Variants in OFD1 observed in about 807,000 individuals in gnomAD.
OFD1 encodes the protein centriole and centriolar satellite protein OFD1.
In OFD1, 12 loss-of-function variants were observed where a neutral mutation model predicts 81.4. That is an observed-to-expected ratio of 0.15 (90% CI 0.09 to 0.24). The LOEUF is 0.24. Ranked by LOEUF, OFD1 falls within the 10% of genes least tolerant of loss-of-function variation. The pLI, the probability that OFD1 is intolerant of heterozygous loss-of-function variation, is 1.00. For missense variants in OFD1, 685 were observed against 733.9 expected, an observed-to-expected ratio of 0.93 and a Z score of 0.77; for synonymous variants, 256 against 263.7, an observed-to-expected ratio of 0.97 and a Z score of 0.28.
intron 14 of OFD1, among the ~76,000 whole-genome samples, 188 bp from the exon 15 acceptor site, chrX:13,758,149 T>C (rs1377170419): frequency 9.0e-6 from 1 of 110,833 alleles, no homozygotes; most frequent in African/African-American, 3.3e-5. Context: ...CTGAAAAAGA[T>C]GGTGAAGAAC....
Position 13,760,283 on chromosome X carries a change from T to C in OFD1, c.1823T>C (p.Ile608Thr). 2.1e-5 allele frequency: 25 copies of C among 1,211,772 alleles called. No individual in the cohort carries two copies. The highest frequency in any genetic ancestry group is 2.8e-5 in the Non-Finnish European group (25 of 895,376). The change falls in exon 16 of 23, where the codon ATC (isoleucine) becomes ACC (threonine). Residue 608 changes from isoleucine (I) to threonine (T), a missense_variant. Coordinates refer to ENST00000340096, the MANE Select transcript of OFD1 (RefSeq NM_003611.3). The stretch of plus-strand genomic sequence containing the variant: ...CTAGCACGTATGGTTGCATCAAGGA[T>C]CACAAATTATCCAACTGCATGGGTG... ...NVLARMVASR[I>T]TNYPTAWVEG... is the part of the protein sequence containing the mutation.
At chrX:13,734,169 T>G, upstream of OFD1, 1 of 502,096 alleles carries the variant, frequency 2.0e-6, no homozygotes, top group South Asian at 2.6e-5. Context: ...TTGTCACACT[T>G]GGGGGAGAAG....
chrX:13,749,574 G>T (rs768289959), intron 9 of OFD1, 41 bp downstream of exon 9: 1 of 817,174 alleles, frequency 1.2e-6, no homozygotes, highest in South Asian at 2.1e-5. Flanking sequence ...AGAATGATGA[G>T]ATTAAAAAGA....
the OFD1 span, chrX:13,722,148 C>G: frequency 7.6e-5 from 7 of 91,619 alleles, no homozygotes; most frequent in Admixed American, 1.3e-4. Context: ...GACTAGATTT[C>G]AGAGCTGGAG....
At chrX:13,757,540 T>C (rs1390963527) in intron 13 of OFD1, 120 bp from the exon 14 acceptor site, 12 of 714,960 alleles carry the variant, frequency 1.7e-5, no homozygotes, top group Non-Finnish European at 2.5e-5. Flanking sequence ...TTATCATATT[T>C]ATTGAGTCAG....
At position 13,769,184 on chromosome X, in the gene OFD1, C is replaced by G. The variant is rs915918119; in HGVS notation, c.*76C>G. ...CATTTACTCCTTTGTAAATGTTTCC[C>G]TATCATCAGACAAAACTCAATAAAA... On this transcript the variant is annotated 3_prime_UTR_variant, in exon 23 of 23. Coordinates refer to ENST00000340096, the MANE Select transcript of OFD1 (RefSeq NM_003611.3). The G allele has an allele frequency of 3.7e-6, 3 of 816,591 alleles. No individual in the cohort carries two copies. In the African/African-American group the frequency reaches 6.1e-5, roughly 17 times the overall value. The allele number at this position is 816,591 out of a possible 1,213,427, so 67.3% of individuals were successfully genotyped here.
intron 2 of OFD1, 45 bp downstream of exon 2, chrX:13,735,391 C>G (rs374672797): frequency 3.8e-5 from 36 of 959,445 alleles, no homozygotes; most frequent in Non-Finnish European, 3.8e-5. Context: ...CAAGTGTAAC[C>G]TGTAACAGGT....
At position 13,755,171 on chromosome X, in the gene OFD1, G is replaced by A; in HGVS notation, c.1150G>A (p.Glu384Lys). Residue 384 changes from glutamate (E) to lysine (K), a missense_variant, in exon 12 of 23, where the codon GAG becomes AAG. By Grantham distance (56) the Glu-to-Lys change is moderately conservative. Transcript: ENST00000340096. ...KNKEKAVHLQEELIAINSKKE... is the reference protein window; with the variant it reads ...KNKEKAVHLQKELIAINSKKE... ...TTCAGAAAAAGCTGTTCATTTGCAA[G>A]AGGAGCTCATAGCTATTAATTCAAA... 8.3e-7 allele frequency: 1 copy of A among 1,206,123 alleles called. No individual in the cohort carries two copies. Among genetic ancestry groups the A allele is most frequent in the Non-Finnish European group, 1.1e-6 (1 of 890,387 alleles).
the OFD1 span, among the ~76,000 whole-genome samples, chrX:13,717,300 T>A: frequency 1.8e-5 from 2 of 111,714 alleles, no homozygotes; most frequent in African/African-American, 6.5e-5. Flanking sequence ...CCTGTGTCAA[T>A]AGCAGGACAC....
rs2046880127 is a variant in OFD1, at chrX:13,736,670, A to G, written c.304A>G (p.Lys102Glu). ...TTTCTTTCCAGAAAGTGGTTTGGCA[A>G]AAGAAAAGGTAAAGTCTTTCCTTTT... is the stretch of plus-strand genomic sequence containing the variant. ...SVFFPESGLAKEKVFTMQDLL... is the reference protein window; with the variant it reads ...SVFFPESGLAEEKVFTMQDLL... The change falls in exon 3 of 23, where the codon AAA becomes GAA. Residue 102 changes from lysine to glutamate, a missense_variant. By Grantham distance (56) the Lys-to-Glu change is moderately conservative. Transcript: ENST00000340096. The G allele has an allele frequency of 1.7e-6, 2 of 1,197,386 alleles. No individual in the cohort carries two copies. The highest frequency in any genetic ancestry group is 2.3e-6 in the Non-Finnish European group (2 of 882,799).
downstream of OFD1, chrX:13,773,018 T>C: frequency 8.3e-7 from 1 of 1,209,896 alleles, no homozygotes; most frequent in Non-Finnish European, 1.1e-6. Flanking sequence ...GACAGTATCA[T>C]GAGGAAGTGG....
rs768770137 is a variant in OFD1, at chrX:13,769,135, T to C, written c.*27T>C. On this transcript the variant is annotated 3_prime_UTR_variant, in exon 23 of 23. Transcript: ENST00000340096. The stretch of plus-strand genomic sequence containing the variant: ...CATGTTTGCTGCCCAGCTTCTAACT[T>C]ACATACCGTGAGAAGTTACGTAACA... 1 of 1,122,452 alleles carries C rather than the reference T, an allele frequency of 8.9e-7. No homozygotes were observed. The highest frequency in any genetic ancestry group is 1.2e-6 in the Non-Finnish European group (1 of 814,021). The allele number at this position is 1,122,452 out of a possible 1,213,427, so 92.5% of individuals were successfully genotyped here. A position where few individuals can be genotyped will look rare whatever the true frequency, so the allele number is the denominator to read the frequency against.
At chrX:13,724,055 A>G in the OFD1 span, among the ~76,000 whole-genome samples, 1 of 111,478 alleles carries the variant, frequency 9.0e-6, no homozygotes, top group Non-Finnish European at 1.9e-5. Flanking sequence ...AAATGAAGGA[A>G]GGGGCCACAG....
At chrX:13,734,308 A>C (rs2046756885), upstream of OFD1, 1 of 347,314 alleles carries the variant, frequency 2.9e-6, no homozygotes, top group South Asian at 7.5e-5. Context: ...GGGTTAGCTG[A>C]ATGACCCAGT....
At chrX:13,718,318 G>A in the OFD1 span, among the ~76,000 whole-genome samples, 5 of 113,319 alleles carry the variant, frequency 4.4e-5, no homozygotes, top group Non-Finnish European at 9.4e-5. Context: ...CCATGACAAA[G>A]CTAAGTGAAT....
downstream of OFD1, among the ~76,000 whole-genome samples, chrX:13,769,906 T>C (rs2048268839): frequency 8.9e-6 from 1 of 112,256 alleles, no homozygotes; most frequent in African/African-American, 3.2e-5. Flanking sequence ...AAGAAATACA[T>C]TTCTGGTCTT....
chrX:13,760,159 G>A lies in OFD1; in HGVS notation c.1699G>A (p.Asp567Asn), dbSNP rs760663674. The A allele has an allele frequency of 3.5e-5, 42 of 1,210,190 alleles. No individual in the cohort carries two copies. Among genetic ancestry groups the A allele is most frequent in the Non-Finnish European group, 4.6e-5 (41 of 895,129 alleles). The change falls in exon 16 of 23, where the codon GAT becomes AAT. Residue 567 changes from aspartate to asparagine, a missense_variant. Physicochemically the swap from Asp to Asn is conservative, Grantham distance 23. Transcript: ENST00000340096. ...CTGCAATCCAAAGCAGTCTGTGATC[G>A]ATCGTTCTGTCAATGGATTAATAAA... is the stretch of plus-strand genomic sequence containing the variant. ...VYCNPKQSVI[D>N]RSVNGLINGN...
At chrX:13,725,974 A>G in the OFD1 span, among the ~76,000 whole-genome samples, 1 of 112,211 alleles carries the variant, frequency 8.9e-6, no homozygotes, top group African/African-American at 3.2e-5. Flanking sequence ...ACAAGCTTCA[A>G]TAACTGATTT....
intron 13 of OFD1, 44 bp downstream of exon 13, chrX:13,756,811 C>T (rs372301333): frequency 6.4e-5 from 61 of 956,750 alleles, no homozygotes; most frequent in Admixed American, 4.0e-4. Context: ...TTTAGTAATT[C>T]GCATTAGGTC....
Sources: gnomAD v4.1 joint callset for allele counts (sites outside exome capture counted in the v4.1 genomes callset) on GRCh38, gnomAD v4.1.1 for gene constraint, MANE v1.5 for transcripts, NCBI Gene and HGNC (gene_info 2026-07-23, HGNC 2026-07-21) for gene names.